The following DROSHA variants were observed in gnomAD, a reference collection of about 807,000 sequenced individuals.
DROSHA encodes the protein drosha ribonuclease III.
A neutral mutation model predicts 181.9 loss-of-function variants in DROSHA; 56 were observed. The observed-to-expected ratio is 0.31, with a 90% confidence interval of 0.25 to 0.38. DROSHA has a LOEUF of 0.38. DROSHA is among the 10% of genes least tolerant of loss of function. The probability of loss-of-function intolerance (pLI) is 1.00; values close to 1 mark genes in which losing one functional copy is unlikely to be tolerated. For synonymous variants in DROSHA, 524 were observed against 591.2 expected, an observed-to-expected ratio of 0.89 and a Z score of 1.65; for missense variants, 1,218 against 1,743.5, an observed-to-expected ratio of 0.70 and a Z score of 5.37.
At chr5:31,424,156 G>A (rs1008086738) in intron 28 of DROSHA, among the ~76,000 whole-genome samples, 1 of 152,138 alleles carries the variant, frequency 6.6e-6, no homozygotes, top group African/African-American at 2.4e-5. Context: ...TGGTGGTGGG[G>A]CATCCATAAC....
chr5:31,432,204 T>C (rs1744264788), intron 25 of DROSHA, among the ~76,000 whole-genome samples: 1 of 151,986 alleles, frequency 6.6e-6, no homozygotes, highest in Non-Finnish European at 1.5e-5. Flanking sequence ...TGATCTTGGC[T>C]TACTGCAACC....
intron 5 of DROSHA, among the ~76,000 whole-genome samples, chr5:31,523,366 T>C (rs541538929): frequency 6.6e-6 from 1 of 152,332 alleles, no homozygotes; most frequent in African/African-American, 2.4e-5. Flanking sequence ...TAAATCAGGT[T>C]AGAAGTAATT....
intron 9 of DROSHA, among the ~76,000 whole-genome samples, chr5:31,509,808 C>T (rs1019938401): frequency 6.6e-6 from 1 of 151,984 alleles, no homozygotes; most frequent in Non-Finnish European, 1.5e-5. Context: ...TACATGATTC[C>T]ACATATATGA....
At chr5:31,486,407 G>A (rs915784031) in intron 14 of DROSHA, 84 bp downstream of exon 14, 8 of 1,399,176 alleles carry the variant, frequency 5.7e-6, no homozygotes, top group Non-Finnish European at 7.9e-6. Flanking sequence ...AGCCAGATCT[G>A]GCCAAGTTCA....
intron 16 of DROSHA, among the ~76,000 whole-genome samples, chr5:31,479,958 T>G (rs1750835592): frequency 6.6e-6 from 1 of 151,788 alleles, no homozygotes; most frequent in African/African-American, 2.4e-5. Context: ...GTATGAAAAT[T>G]CAAGTTATTT....
At chr5:31,499,552 T>G (rs1753351480) in intron 11 of DROSHA, among the ~76,000 whole-genome samples, 1 of 150,218 alleles carries the variant, frequency 6.7e-6, no homozygotes, top group African/African-American at 2.5e-5. Context: ...AACACCCAGG[T>G]GTTTAAGACT....
intron 6 of DROSHA, 29 bp from the exon 7 acceptor site, chr5:31,515,593 T>G (rs974306218): frequency 6.4e-7 from 1 of 1,550,970 alleles, no homozygotes; most frequent in Non-Finnish European, 8.7e-7. Flanking sequence ...TGCAAAATGT[T>G]TGGAAATGTC....
intron 25 of DROSHA, among the ~76,000 whole-genome samples, chr5:31,432,195 G>A (rs1744263148): frequency 6.6e-6 from 1 of 150,962 alleles, no homozygotes; most frequent in African/African-American, 2.4e-5. Context: ...GCAGTGGTAT[G>A]ATCTTGGCTT....
chr5:31,521,357 T>A, intron 5 of DROSHA, 142 bp from the exon 6 acceptor site: 1 of 773,324 alleles, frequency 1.3e-6, no homozygotes, highest in Non-Finnish European at 2.1e-6. Context: ...TTTTTATGCC[T>A]TCTTAATTTA....
At chr5:31,422,370 C>G in intron 29 of DROSHA, among the ~76,000 whole-genome samples, 1 of 152,096 alleles carries the variant, frequency 6.6e-6, no homozygotes, top group East Asian at 1.9e-4. Flanking sequence ...AAATCCAGCC[C>G]ACGGACTGTT....
chr5:31,429,732 CT>C (rs1217516292), intron 26 of DROSHA, among the ~76,000 whole-genome samples, 187 bp from the exon 27 acceptor site: 5 of 152,204 alleles, frequency 3.3e-5, no homozygotes, highest in Non-Finnish European at 7.4e-5. Context: ...ACAAATTAGA[CT>C]GAAATAATAT....
intron 8 of DROSHA, among the ~76,000 whole-genome samples, chr5:31,513,622 CTT>C (rs1460074912): frequency 6.6e-6 from 1 of 152,206 alleles, no homozygotes; most frequent in African/African-American, 2.4e-5. Context: ...TTCTCAAATC[CTT>C]TGTTTCCAAA....
At chr5:31,519,232 A>G (rs775074564) in intron 6 of DROSHA, among the ~76,000 whole-genome samples, 9 of 152,170 alleles carry the variant, frequency 5.9e-5, no homozygotes, top group African/African-American at 9.7e-5. Flanking sequence ...GCACTTATAC[A>G]TTAAAAATCA....
chr5:31,433,318 C>T (rs1744398793), intron 25 of DROSHA, among the ~76,000 whole-genome samples: 1 of 152,074 alleles, frequency 6.6e-6, no homozygotes, highest in Admixed American at 6.6e-5. Flanking sequence ...AAAATTGATC[C>T]CAAAGTGCAA....
chr5:31,421,415 C>T, intron 29 of DROSHA, 38 bp from the exon 30 acceptor site: 1 of 1,491,234 alleles, frequency 6.7e-7, no homozygotes, highest in South Asian at 1.2e-5. Flanking sequence ...AATCAATAAC[C>T]ATTTATGGAT....
chr5:31,416,055 C>A (rs1741905001), intron 30 of DROSHA, among the ~76,000 whole-genome samples: 1 of 152,196 alleles, frequency 6.6e-6, no homozygotes, highest in African/African-American at 2.4e-5. Context: ...GCATTCAAAA[C>A]TTGAAAGCCA....
chr5:31,453,194 A>T lies in DROSHA; in HGVS notation c.2575-1554T>A, dbSNP rs558716208. On this transcript the variant is annotated intron_variant, in intron 20 of 35. Transcript: ENST00000344624. ...CCCTCTTTAGAGTTTGCTGATTATT[A>T]AAAAATTACCTTTATTTTTGAGACA... Among the ~76,000 whole-genome samples, 8 of 152,220 alleles carry T rather than the reference A, an allele frequency of 5.3e-5. No homozygotes were observed. The South Asian group carries it at 1.5e-3, about 28-fold the overall frequency.
At position 31,526,446 on chromosome 5, in the gene DROSHA, G is replaced by T. The variant is rs752155947; in HGVS notation, c.487C>A (p.Gln163Lys). ...HPPPPPVMPQ[Q>K]VNYQYPPGYS... Reference sequence around the variant, plus strand: ...CCCGGAGGGTACTGATAATTAACCTGCTGCGGCATGACTGGAGGGGGCGGG... The same window carrying T: ...CCCGGAGGGTACTGATAATTAACCTTCTGCGGCATGACTGGAGGGGGCGGG... The change falls in exon 5 of 36, where the codon CAG (glutamine) becomes AAG (lysine). Residue 163 changes from glutamine to lysine, a missense_variant. Physicochemically the swap from Gln to Lys is moderately conservative, Grantham distance 53 (BLOSUM62 1). Coordinates refer to ENST00000344624, the MANE Select transcript of DROSHA (RefSeq NM_001382508.1). The T allele has an allele frequency of 6.2e-7, 1 of 1,612,282 alleles. No individual in the cohort carries two copies. The highest frequency in any genetic ancestry group is 8.5e-7 in the Non-Finnish European group (1 of 1,179,242).
At chr5:31,486,462 A>G (rs1054639491) in intron 14 of DROSHA, 29 bp downstream of exon 14, 6 of 1,607,354 alleles carry the variant, frequency 3.7e-6, no homozygotes, top group Non-Finnish European at 5.1e-6. Flanking sequence ...AGCAAACTAC[A>G]TCAAACCACA....
Sources: allele counts gnomAD v4.1 joint callset (sites outside exome capture counted in the v4.1 genomes callset), GRCh38; gene constraint gnomAD v4.1.1; transcripts MANE v1.5; gene names NCBI Gene and HGNC (gene_info 2026-07-23, HGNC 2026-07-21).